The following PNPT1 variants were observed in gnomAD, a reference collection of about 807,000 sequenced individuals.
PNPT1 encodes the protein polyribonucleotide nucleotidyltransferase 1, mitochondrial.
PNPT1 carries 53 observed loss-of-function variants against 119.5 expected under a neutral mutation model. The observed-to-expected ratio is 0.44, with a 90% CI of 0.36 to 0.56. The LOEUF (loss-of-function observed/expected upper bound fraction) is 0.56. Among genes scored for constraint, PNPT1 ranks in the 20% least tolerant of loss-of-function variants. PNPT1 has a pLI of 0.00. For synonymous variants in PNPT1, 357 were observed against 322.1 expected, an observed-to-expected ratio of 1.11 and a Z score of -1.16; for missense variants, 948 against 938.5, an observed-to-expected ratio of 1.01 and a Z score of -0.13.
chr2:55,674,675 G>A (rs1417617709), intron 8 of PNPT1, among the ~76,000 whole-genome samples: 2 of 152,180 alleles, frequency 1.3e-5, no homozygotes, highest in African/African-American at 4.8e-5. Flanking sequence ...TCTAAATTAT[G>A]TTTGACAGTT....
intron 9 of PNPT1, 61 bp downstream of exon 9, chr2:55,672,832 T>A: frequency 6.8e-7 from 1 of 1,471,562 alleles, no homozygotes. Flanking sequence ...GAAGTTTCTC[T>A]CCCACGAGGA....
At chr2:55,690,462 T>C (rs866806918) in intron 1 of PNPT1, among the ~76,000 whole-genome samples, 6 of 152,314 alleles carry the variant, frequency 3.9e-5, no homozygotes, top group South Asian at 2.1e-4. Context: ...CCCAATGCCC[T>C]ACCCCAAGTA....
intron 19 of PNPT1, 118 bp downstream of exon 19, chr2:55,647,229 G>A: frequency 1.4e-6 from 1 of 721,636 alleles, no homozygotes; most frequent in Non-Finnish European, 2.2e-6. Context: ...ATTCTTCTAA[G>A]CATACGCTAG....
intron 21 of PNPT1, 147 bp from the exon 22 acceptor site, chr2:55,645,579 A>C (rs1474924684): frequency 1.1e-5 from 6 of 554,762 alleles, no homozygotes; most frequent in Admixed American, 3.5e-5. Flanking sequence ...AAATTCACTC[A>C]TATTCTCTTC....
intron 26 of PNPT1, among the ~76,000 whole-genome samples, chr2:55,639,733 A>T (rs1165592922): frequency 6.6e-6 from 1 of 152,192 alleles, no homozygotes; most frequent in Admixed American, 6.5e-5. Context: ...CATATAATTA[A>T]AAAATTATGG....
intron 22 of PNPT1, 57 bp from the exon 23 acceptor site, chr2:55,644,777 A>C: frequency 4.0e-6 from 5 of 1,245,592 alleles, no homozygotes; most frequent in Non-Finnish European, 5.7e-6. Flanking sequence ...TGAACCTAAA[A>C]CATGCCATGG....
chr2:55,650,880 C>T (rs1464048694), intron 18 of PNPT1, among the ~76,000 whole-genome samples: 3 of 151,772 alleles, frequency 2.0e-5, no homozygotes, highest in African/African-American at 7.2e-5. Flanking sequence ...GCAGCCACCT[C>T]GTCCGGCAGG....
chr2:55,680,695 T>G lies in PNPT1; in HGVS notation c.565+17A>C. 1 of 1,606,926 alleles carries G rather than the reference T, an allele frequency of 6.2e-7. No individual in the cohort carries two copies. Among genetic ancestry groups the G allele is most frequent in the Admixed American group, 1.7e-5 (1 of 59,150 alleles). On this transcript the variant is annotated intron_variant, in intron 7 of 27. Coordinates refer to ENST00000447944, the MANE Select transcript of PNPT1 (RefSeq NM_033109.5). Reference sequence around the variant, plus strand: ...AAAAATACACATATGATTTCTTACTTTTAAATCCTAACTTACCAACAGGTC... The same window carrying G: ...AAAAATACACATATGATTTCTTACTGTTAAATCCTAACTTACCAACAGGTC...
At chr2:55,644,893 C>A (rs1695938402) in intron 22 of PNPT1, 173 bp from the exon 23 acceptor site, 2 of 453,074 alleles carry the variant, frequency 4.4e-6, no homozygotes, top group African/African-American at 2.0e-5. Flanking sequence ...AAAGAATATT[C>A]CCTAAAATTT....
intron 22 of PNPT1, chr2:55,645,146 C>A (rs1253528697): frequency 5.5e-6 from 2 of 366,430 alleles, no homozygotes; most frequent in Non-Finnish European, 9.9e-6. Context: ...GCCTCAGCCT[C>A]CCGAGTAGCT....
At chr2:55,654,461 A>G (rs1422326763) in intron 18 of PNPT1, among the ~76,000 whole-genome samples, 1 of 152,174 alleles carries the variant, frequency 6.6e-6, no homozygotes, top group African/African-American at 2.4e-5. Flanking sequence ...TACTAATCAA[A>G]ACTTCCTTGG....
intron 19 of PNPT1, 137 bp from the exon 20 acceptor site, chr2:55,646,623 T>A: frequency 1.6e-6 from 1 of 623,066 alleles, no homozygotes; most frequent in Non-Finnish European, 2.8e-6. Context: ...GTTTTCTACA[T>A]TAACTACCAC....
intron 13 of PNPT1, among the ~76,000 whole-genome samples, chr2:55,665,787 A>C (rs576271501): frequency 1.3e-5 from 2 of 152,352 alleles, no homozygotes; most frequent in South Asian, 4.1e-4. Context: ...AAAAGTTACT[A>C]CTTGGTGCCT....
At position 55,642,120 on chromosome 2, in the gene PNPT1, G is replaced by A. The variant is rs563127040; in HGVS notation, c.2069+1038C>T. On this transcript the variant is annotated intron_variant, in intron 25 of 27. Transcript: ENST00000447944. ...CTCCCAAAGAGCTGGGATTACAGGC[G>A]TGAGCCACCATGCACAGCCGAAATT... 3.3e-5 allele frequency among the ~76,000 whole-genome samples: 5 copies of A among 151,978 alleles called. No individual in the cohort carries two copies. The East Asian group carries it at 5.8e-4, about 18-fold the overall frequency.
Position 55,656,215 on chromosome 2 carries a change from G to A in PNPT1, c.1357C>T (p.Leu453Phe), listed in dbSNP as rs141173235. 30 of 1,613,004 alleles carry A rather than the reference G, an allele frequency of 1.9e-5. No homozygotes were observed. The highest frequency in any genetic ancestry group is 2.5e-5 in the Non-Finnish European group (30 of 1,179,562). Residue 453 changes from leucine to phenylalanine, a missense_variant, in exon 17 of 28, where the codon CTT becomes TTT. Coordinates refer to ENST00000447944, the MANE Select transcript of PNPT1 (RefSeq NM_033109.5). ...ACAGGATACAAAGCTTTCTCAGCAA[G>A]AGCACCTAAATTAGAATAGAAAACA... is the stretch of plus-strand genomic sequence containing the variant. ...LNRRELGHGA[L>F]AEKALYPVIP...
At chr2:55,672,785 C>T in intron 9 of PNPT1, 108 bp downstream of exon 9, 2 of 1,034,966 alleles carry the variant, frequency 1.9e-6, no homozygotes, top group Non-Finnish European at 2.8e-6. Context: ...CAGAAAAGTG[C>T]TATTTATGAA....
At chr2:55,636,945 C>T (rs927576657) in intron 27 of PNPT1, among the ~76,000 whole-genome samples, 26 of 152,198 alleles carry the variant, frequency 1.7e-4, no homozygotes, top group African/African-American at 4.8e-4. Context: ...TCTTAGCACT[C>T]ATCTTCCCCT....
rs758544175 is a variant in PNPT1, at chr2:55,683,809, T to C, written c.429A>G (p.Pro143=). The C allele has an allele frequency of 3.1e-6, 5 of 1,613,694 alleles. No individual in the cohort carries two copies. The highest frequency in any genetic ancestry group is 4.2e-6 in the Non-Finnish European group (5 of 1,179,776). The change falls in exon 5 of 28, where the codon CCA becomes CCG. Residue 143 remains proline, a synonymous_variant. Transcript: ENST00000447944. ...CCTGTGTATCATAGAAGTAGCCAGC[T>C]GGAAAGAGCGGTCTAATTGAACGAT... ...IIDRSIRPLF[P]AGYFYDTQVL...
At chr2:55,640,603 TAAC>T in intron 26 of PNPT1, 21 bp downstream of exon 26, 2 of 1,531,414 alleles carry the variant, frequency 1.3e-6, no homozygotes, top group South Asian at 1.1e-5. Context: ...ATAAAAATAA[TAAC>T]AATAACATCT....
Sources: gnomAD v4.1 joint callset for allele counts (sites outside exome capture counted in the v4.1 genomes callset) on GRCh38, gnomAD v4.1.1 for gene constraint, MANE v1.5 for transcripts, NCBI Gene and HGNC (gene_info 2026-07-23, HGNC 2026-07-21) for gene names.